The following RCC1 variants were observed in gnomAD, a reference collection of about 807,000 sequenced individuals.
The protein encoded by RCC1 is regulator of chromosome condensation 1, also known as regulator of chromosome condensation.
In RCC1, 11 loss-of-function variants were observed where a neutral mutation model predicts 44.4. The ratio of observed to expected loss-of-function variants is 0.25; its 90% CI spans 0.16 to 0.41. The LOEUF (loss-of-function observed/expected upper bound fraction) is 0.41. RCC1 is among the 10% of genes least tolerant of loss of function. The pLI is 1.00. For synonymous variants in RCC1, 213 were observed against 216.5 expected, an observed-to-expected ratio of 0.98 and a Z score of 0.14; for missense variants, 386 against 547.1, an observed-to-expected ratio of 0.71 and a Z score of 2.94.
rs1418121345 is a variant in RCC1 at position 28,521,500 on chromosome 1, AG to A, written c.-10+4634del. Among the ~76,000 whole-genome samples the A allele has an allele frequency of 3.4e-3, 232 of 68,508 alleles. 1 individual carries two copies. The highest frequency in any genetic ancestry group is 0.013 in the African/African-American group (207 of 15,940). 44.9% of individuals were successfully genotyped at this position (68,508 alleles called of 152,430 possible). ...GGGCGACAGAGCGAGACTCCACCTCAGAAAAAAAAAAAAAAAAAAAAAAGAA... is the reference window on the plus strand; with the variant it reads ...GGGCGACAGAGCGAGACTCCACCTCAAAAAAAAAAAAAAAAAAAAAAAGAA... On this transcript the variant is annotated intron_variant, in intron 4 of 12. Transcript: ENST00000683442.
chr1:28,514,636 C>T (rs1006261013), intron 3 of RCC1, among the ~76,000 whole-genome samples: 1 of 151,846 alleles, frequency 6.6e-6, no homozygotes, highest in Admixed American at 6.6e-5. Context: ...TGGCACATGC[C>T]TATAATCCCA....
intron 1 of RCC1, 159 bp from the exon 2 acceptor site, chr1:28,507,965 ATAGG>A (rs1236594746): frequency 1.3e-5 from 4 of 298,924 alleles, no homozygotes; most frequent in African/African-American, 2.2e-5. Context: ...AGGCATGATG[ATAGG>A]TAGCTGGAGG....
intron 3 of RCC1, chr1:28,510,922 A>G (rs1271889134): frequency 6.6e-6 from 1 of 152,172 alleles, no homozygotes; most frequent in African/African-American, 2.4e-5. Context: ...TTCAATCCAT[A>G]TACTCAGGTG....
chr1:28,520,906 C>T (rs1241118914), intron 4 of RCC1, among the ~76,000 whole-genome samples: 8 of 151,972 alleles, frequency 5.3e-5, no homozygotes, highest in Non-Finnish European at 1.2e-4. Flanking sequence ...GGTGAAACCC[C>T]GTCTTTACTA....
chr1:28,511,651 C>T (rs375834066), intron 3 of RCC1, among the ~76,000 whole-genome samples: 9 of 151,256 alleles, frequency 6.0e-5, no homozygotes, highest in East Asian at 5.8e-4. Context: ...TTACAGGCGT[C>T]AGCCACCATG....
At chr1:28,532,561 GTGTC>G in intron 7 of RCC1, 1 of 571,858 alleles carries the variant, frequency 1.7e-6, no homozygotes, top group Admixed American at 2.9e-5. Flanking sequence ...ATGTCATCAA[GTGTC>G]TGTCCTGGGA....
At chr1:28,526,482 C>T in intron 4 of RCC1, 1 of 563,934 alleles carries the variant, frequency 1.8e-6, no homozygotes, top group South Asian at 1.9e-5. Flanking sequence ...TGTATTTATC[C>T]AGGCAAGACG....
At chr1:28,511,309 C>G (rs763317074) in intron 3 of RCC1, among the ~76,000 whole-genome samples, 3 of 152,020 alleles carry the variant, frequency 2.0e-5, no homozygotes, top group Admixed American at 6.6e-5. Context: ...CTTAGGGTCT[C>G]TAGATGGAGT....
At chr1:28,526,150 T>C (rs1211736408) in intron 4 of RCC1, among the ~76,000 whole-genome samples, 1 of 152,096 alleles carries the variant, frequency 6.6e-6, no homozygotes, top group Admixed American at 6.6e-5. Context: ...CTGGACACTG[T>C]GATGCGCACT....
chr1:28,527,084 G>T, intron 4 of RCC1: 1 of 967,224 alleles, frequency 1.0e-6, no homozygotes, highest in Non-Finnish European at 1.7e-6. Flanking sequence ...TTGCTTGACC[G>T]GAACCAGACC....
intron 12 of RCC1, 73 bp from the exon 13 acceptor site, chr1:28,537,759 C>G (rs1009462381): frequency 4.1e-5 from 61 of 1,471,008 alleles, no homozygotes; most frequent in Non-Finnish European, 5.4e-5. Context: ...CGCCCATGTC[C>G]CAGGTTTCTC....
chr1:28,533,835 C>CTTTT (rs1664349766), intron 7 of RCC1, among the ~76,000 whole-genome samples: 1 of 34,908 alleles, frequency 2.9e-5, no homozygotes, highest in African/African-American at 8.1e-5. Flanking sequence ...TTTTTCTTTT[C>CTTTT]TTTTCTTTTC....
intron 4 of RCC1, 131 bp from the exon 5 acceptor site, chr1:28,529,727 G>T (rs1411811528): frequency 2.9e-6 from 2 of 685,048 alleles, no homozygotes; most frequent in Non-Finnish European, 5.2e-6. Context: ...CTGTTCTTGG[G>T]ATACATTTTG....
At position 28,530,786 on chromosome 1, in the gene RCC1, C is replaced by T. The variant is rs189791940; in HGVS notation, c.73+847C>T. Reference sequence around the variant, plus strand: ...CGCACCTCCCGCAAATGCCGCTGTCCGCTCTTCCTCCCGCCCCTCCTGCCT... The same window carrying T: ...CGCACCTCCCGCAAATGCCGCTGTCTGCTCTTCCTCCCGCCCCTCCTGCCT... On this transcript the variant is annotated intron_variant, in intron 5 of 12. Coordinates refer to ENST00000683442, the MANE Select transcript of RCC1 (RefSeq NM_001381865.2). Among the ~76,000 whole-genome samples the T allele has an allele frequency of 1.8e-3, 270 of 152,258 alleles. 1 individual carries two copies. The highest frequency in any genetic ancestry group is 5.8e-3 in the African/African-American group (241 of 41,564).
At chr1:28,509,259 CTG>C (rs574712968) in intron 3 of RCC1, 95 of 240,698 alleles carry the variant, frequency 3.9e-4, no homozygotes, top group Admixed American at 9.9e-4. Context: ...AGAAGGCACA[CTG>C]TGTTGGTGGT....
intron 1 of RCC1, chr1:28,507,634 GCT>G (rs1298765438): frequency 9.1e-6 from 4 of 438,720 alleles, no homozygotes; most frequent in African/African-American, 7.1e-5. Context: ...AGATGGAGTC[GCT>G]CTGTTGCCCA....
intron 4 of RCC1, among the ~76,000 whole-genome samples, chr1:28,519,654 A>G (rs563545653): frequency 2.7e-5 from 4 of 149,510 alleles, no homozygotes; most frequent in South Asian, 2.1e-4. Context: ...TGCAACCTCC[A>G]CCTCCTAGGT....
chr1:28,523,108 T>C (rs1204972385), intron 4 of RCC1, among the ~76,000 whole-genome samples: 1 of 142,282 alleles, frequency 7.0e-6, no homozygotes, highest in African/African-American at 2.6e-5. Context: ...CTCGACTCAC[T>C]GCAAGCTCTG....
chr1:28,537,545 C>CA (rs1328329667), intron 12 of RCC1, among the ~76,000 whole-genome samples: 1 of 152,196 alleles, frequency 6.6e-6, no homozygotes, highest in Non-Finnish European at 1.5e-5. Flanking sequence ...AGGGCAGTCT[C>CA]AAAGGTGGCT....
Sources: gnomAD v4.1 joint callset for allele counts (sites outside exome capture counted in the v4.1 genomes callset) on GRCh38, gnomAD v4.1.1 for gene constraint, MANE v1.5 for transcripts, NCBI Gene and HGNC (gene_info 2026-07-23, HGNC 2026-07-21) for gene names.